The following UNC79 variants were observed in gnomAD, a reference collection of about 807,000 sequenced individuals.
UNC79 encodes the protein protein unc-79 homolog.
A neutral mutation model predicts 283.1 loss-of-function variants in UNC79; 37 were observed. The ratio of observed to expected loss-of-function variants is 0.13; its 90% confidence interval spans 0.10 to 0.17. The LOEUF (loss-of-function observed/expected upper bound fraction) is 0.17. UNC79 is among the 10% of genes least tolerant of loss of function. UNC79 has a pLI of 1.00. For missense variants in UNC79, 2,272 were observed against 3,211.1 expected, an observed-to-expected ratio of 0.71 and a Z score of 7.07; for synonymous variants, 1,107 against 1,200.2, an observed-to-expected ratio of 0.92 and a Z score of 1.61.
intron 1 of UNC79, among the ~76,000 whole-genome samples, chr14:93,424,096 A>C (rs988007848): frequency 3.3e-5 from 5 of 152,252 alleles, no homozygotes; most frequent in South Asian, 4.1e-4. Context: ...ACAAATGGCA[A>C]ACGGGCATAT....
chr14:93,610,802 G>A (rs1049692634), intron 26 of UNC79, among the ~76,000 whole-genome samples: 3 of 151,978 alleles, frequency 2.0e-5, no homozygotes, highest in East Asian at 1.9e-4. Flanking sequence ...GTAGAGACCA[G>A]GTCTTGTCAT....
At chr14:93,433,021 C>T (rs138314928) in intron 1 of UNC79, among the ~76,000 whole-genome samples, 1 of 152,230 alleles carries the variant, frequency 6.6e-6, no homozygotes, top group African/African-American at 2.4e-5. Context: ...CTATTTTAGA[C>T]GTGTTAGTGA....
chr14:93,510,014 C>T (rs2059743610), intron 7 of UNC79, among the ~76,000 whole-genome samples: 1 of 152,248 alleles, frequency 6.6e-6, no homozygotes, highest in African/African-American at 2.4e-5. Flanking sequence ...TCCCAAGCCT[C>T]AACTCTTGCC....
chr14:93,486,296 A>G (rs1001941125), intron 4 of UNC79, among the ~76,000 whole-genome samples: 9 of 152,146 alleles, frequency 5.9e-5, no homozygotes, highest in African/African-American at 2.2e-4. Flanking sequence ...AATTTATTTT[A>G]TATTTGAGTC....
At position 93,704,818 on chromosome 14, in the gene UNC79, C is replaced by G. The variant is rs760922963; in HGVS notation, c.7590+152C>G. 8.4e-6 allele frequency: 8 copies of G among 958,044 alleles called. No individual in the cohort carries two copies. In the Admixed American group the frequency reaches 1.2e-4, roughly 14 times the overall value. 59.3% of individuals were successfully genotyped at this position (958,044 alleles called of 1,614,324 possible). A position where few individuals can be genotyped will look rare whatever the true frequency, so the allele number is the denominator to read the frequency against. On this transcript the variant is annotated intron_variant, in intron 48 of 48. Transcript: ENST00000555664. ...GCTGATAATGCAGGAGACCTGTGGG[C>G]CAGGTAAGGGCTCTGCAGGCAGGGG...
Position 93,621,450 on chromosome 14 carries a change from G to A in UNC79, c.4388-171G>A, listed in dbSNP as rs2067125758. 6.6e-6 allele frequency among the ~76,000 whole-genome samples: 1 copy of A among 152,170 alleles called. No individual in the cohort carries two copies. The highest frequency in any genetic ancestry group is 2.4e-5 in the African/African-American group (1 of 41,434). On this transcript the variant is annotated intron_variant, in intron 29 of 48. Coordinates refer to ENST00000555664, the Ensembl canonical transcript of UNC79. The surrounding 1 kb of genome is among the most constrained non-coding windows in gnomAD (Gnocchi z 4.8). ...GTTTCTTTCATTCGTAAATTTTCCA[G>A]TTTTTGAAATTAGAACGAACCTTAC...
At chr14:93,374,541 T>A (rs2054517054) in intron 1 of UNC79, among the ~76,000 whole-genome samples, 1 of 152,140 alleles carries the variant, frequency 6.6e-6, no homozygotes, top group African/African-American at 2.4e-5. Flanking sequence ...CTTTCTTTTT[T>A]AAAGTCACTT....
chr14:93,686,084 C>T (rs988976737), intron 42 of UNC79, among the ~76,000 whole-genome samples: 1 of 152,136 alleles, frequency 6.6e-6, no homozygotes, highest in African/African-American at 2.4e-5. Flanking sequence ...TCAGCAAACA[C>T]GATGCTTGTT....
Position 93,571,878 on chromosome 14 carries a change from A to G in UNC79, c.1756-16A>G. On this transcript the variant is annotated splice_polypyrimidine_tract_variant and intron_variant, in intron 14 of 48. Coordinates refer to ENST00000555664, the Ensembl canonical transcript of UNC79. ...TGTTTCATTCTTTTCCCCTGTGGCT[A>G]TGGAAACCTCTTCAGGTTGGTGGCT... 5 of 1,613,708 alleles carry G rather than the reference A, an allele frequency of 3.1e-6. 1 individual carries two copies. The East Asian group carries it at 6.7e-5, about 22-fold the overall frequency.
Position 93,420,000 on chromosome 14 carries a change from A to G in UNC79, c.-350-47671A>G, listed in dbSNP as rs532793470. On this transcript the variant is annotated intron_variant, in intron 1 of 49. Transcript: ENST00000256339. Reference sequence around the variant, plus strand: ...AAAACTAAAATAAGTAAATCGTACCACCAGAGAAAATTATCTTCCCTAAAA... The same window carrying G: ...AAAACTAAAATAAGTAAATCGTACCGCCAGAGAAAATTATCTTCCCTAAAA... Among the ~76,000 whole-genome samples, 8 of 151,756 alleles carry G rather than the reference A, an allele frequency of 5.3e-5. 1 individual carries two copies. In the East Asian group the frequency reaches 1.6e-3, roughly 29 times the overall value.
intron 7 of UNC79, among the ~76,000 whole-genome samples, chr14:93,517,191 C>T (rs989914787): frequency 1.1e-4 from 16 of 150,732 alleles, no homozygotes; most frequent in African/African-American, 3.7e-4. Context: ...TCCCCTCTCT[C>T]CACCCCTCTC....
At chr14:93,521,706 C>T (rs2060328769) in intron 7 of UNC79, among the ~76,000 whole-genome samples, 1 of 150,416 alleles carries the variant, frequency 6.6e-6, no homozygotes, top group Non-Finnish European at 1.5e-5. Flanking sequence ...AAGTCTAATA[C>T]CAATTTTTCT....
intron 7 of UNC79, among the ~76,000 whole-genome samples, chr14:93,503,394 C>T (rs577175884): frequency 1.6e-4 from 24 of 152,122 alleles, no homozygotes; most frequent in African/African-American, 5.8e-4. Context: ...TGCATACTTG[C>T]ATACATTTCT....
chr14:93,378,873 C>A (rs540701012), intron 1 of UNC79, among the ~76,000 whole-genome samples: 6 of 152,014 alleles, frequency 3.9e-5, no homozygotes, highest in African/African-American at 1.5e-4. Flanking sequence ...TAAGAAAAAG[C>A]GAAAACTTAG....
chr14:93,567,041 G>A (rs911875985), intron 14 of UNC79, among the ~76,000 whole-genome samples: 4 of 152,084 alleles, frequency 2.6e-5, no homozygotes, highest in African/African-American at 9.7e-5. Flanking sequence ...TTTAAGTTTG[G>A]CCTAAAAGTT....
At chr14:93,540,278 C>A (rs1263023950) in intron 12 of UNC79, among the ~76,000 whole-genome samples, 1 of 152,208 alleles carries the variant, frequency 6.6e-6, no homozygotes, top group Non-Finnish European at 1.5e-5. Flanking sequence ...CTCAACCTTT[C>A]CTTGTATCAT....
In UNC79 at chr14:93,404,513, T is replaced by TATATATATATATATATAA. The variant is rs1229909876; in HGVS notation, c.-350-63157_-350-63156insTATATATATATATATAAA. 3.1e-3 allele frequency among the ~76,000 whole-genome samples: 355 copies of TATATATATATATATATAA among 113,196 alleles called. 4 individuals are homozygous for TATATATATATATATATAA. Among genetic ancestry groups the TATATATATATATATATAA allele is most frequent in the African/African-American group, 7.0e-3 (208 of 29,706 alleles). The allele number at this position is 113,196 out of a possible 152,430, so 74.3% of individuals were successfully genotyped here. On this transcript the variant is annotated intron_variant, in intron 1 of 49. Coordinates refer to the UNC79 transcript ENST00000256339. Reference sequence around the variant, plus strand: ...AAAAAAATATATATATATATATATATAAATATATACATATTATATATTATT... The same window carrying TATATATATATATATATAA: ...AAAAAAATATATATATATATATATATATATATATATATATATAAAAATATATACATATTATATATTATT...
chr14:93,572,189 A>C, intron 15 of UNC79, 105 bp downstream of exon 15: 48 of 1,248,982 alleles, frequency 3.8e-5, no homozygotes, highest in Non-Finnish European at 4.6e-5. Flanking sequence ...ATATAATCTC[A>C]TTTATTTTTT....
At chr14:93,449,658 T>C (rs2056572945) in intron 1 of UNC79, among the ~76,000 whole-genome samples, 1 of 151,744 alleles carries the variant, frequency 6.6e-6, no homozygotes, top group Non-Finnish European at 1.5e-5. Flanking sequence ...AACTTGTAAA[T>C]ATGGGAGCCT....
Sources: allele counts gnomAD v4.1 joint callset (sites outside exome capture counted in the v4.1 genomes callset), GRCh38; gene constraint gnomAD v4.1.1; non-coding constraint Gnocchi (gnomAD v3.1); transcripts MANE v1.5; gene names NCBI Gene and HGNC (gene_info 2026-07-23, HGNC 2026-07-21).